Variants in TFCP2 observed in about 807,000 individuals in gnomAD.
TFCP2 encodes transcription factor CP2, also known as alpha-globin transcription factor CP2.
Under a neutral mutation model 73.4 loss-of-function variants are expected in TFCP2, and 33 were observed. The ratio of observed to expected loss-of-function variants is 0.45; its 90% CI spans 0.34 to 0.60. The LOEUF (loss-of-function observed/expected upper bound fraction) is 0.60, where lower values mean the gene tolerates loss of function less well. TFCP2 is among the 20% of genes least tolerant of loss of function. TFCP2 has a pLI of 0.01. For synonymous variants in TFCP2, 193 were observed against 211.6 expected (o/e 0.91, Z 0.76); for missense variants, 352 against 604.0 (o/e 0.58, Z 4.37).
intron 5 of TFCP2, 99 bp from the exon 6 acceptor site, chr12:51,109,372 C>T: frequency 8.3e-7 from 1 of 1,207,148 alleles, no homozygotes; most frequent in Non-Finnish European, 1.2e-6. Flanking sequence ...CTTTACCAGG[C>T]ATTATGAATA....
rs779255264 is a variant in TFCP2, at chr12:51,098,830, G to A, written c.1365C>T (p.Ile455=). 1 of 1,614,118 alleles carries A rather than the reference G, an allele frequency of 6.2e-7. No individual in the cohort carries two copies. Among genetic ancestry groups the A allele is most frequent in the Non-Finnish European group, 8.5e-7 (1 of 1,180,032 alleles). The stretch of plus-strand genomic sequence containing the variant: ...TTGGCCCCTGCTTGTAAATCTGGCT[G>A]ATCTGGCAAGGGGAAATGCTGAAAA... ...AQLFSISPCQ[I]SQIYKQGPTG... is the part of the protein sequence containing the mutation. The change falls in exon 13 of 15, where the codon ATC becomes ATT. Residue 455 remains isoleucine (I), a synonymous_variant. Coordinates refer to ENST00000257915, the MANE Select transcript of TFCP2 (RefSeq NM_005653.5).
chr12:51,160,816 A>G (rs1941631596), intron 1 of TFCP2, among the ~76,000 whole-genome samples: 1 of 152,226 alleles, frequency 6.6e-6, no homozygotes, highest in Admixed American at 6.5e-5. Context: ...TTGGAATAGC[A>G]TCTTATCATT....
chr12:51,150,832 C>T (rs1376922999), intron 1 of TFCP2, among the ~76,000 whole-genome samples: 1 of 152,194 alleles, frequency 6.6e-6, no homozygotes, highest in Non-Finnish European at 1.5e-5. Context: ...TTCAACACAT[C>T]AGCGCAAACT....
At chr12:51,152,490 T>C (rs1194469365) in intron 1 of TFCP2, among the ~76,000 whole-genome samples, 3 of 152,230 alleles carry the variant, frequency 2.0e-5, no homozygotes, top group African/African-American at 7.2e-5. Context: ...ATTATAGCAT[T>C]GTGTCAGCGT....
chr12:51,098,624 A>C (rs1055697442), intron 13 of TFCP2, 152 bp downstream of exon 13: 25 of 225,134 alleles, frequency 1.1e-4, no homozygotes, highest in Non-Finnish European at 1.9e-4. Flanking sequence ...AGACTGTTTC[A>C]AAAAAAAAAA....
chr12:51,169,993 G>C (rs1300927845), intron 1 of TFCP2, among the ~76,000 whole-genome samples: 1 of 152,308 alleles, frequency 6.6e-6, no homozygotes, highest in African/African-American at 2.4e-5. Context: ...TTTTTATAAT[G>C]AGTACAGTTA....
At chr12:51,113,851 T>G (rs60910794) in intron 4 of TFCP2, among the ~76,000 whole-genome samples, 22,214 of 152,130 alleles carry the variant, frequency 0.15, 2,051 homozygotes, top group East Asian at 0.49. Flanking sequence ...GGTATCCACA[T>G]GCAAAAGAAT....
In TFCP2 at chr12:51,121,939, C is replaced by T. The variant is rs531610861; in HGVS notation, c.123-3167G>A. ...TATCTCACCTGTATACACATTTTCC[C>T]CAATACATCAGATTACAGGGTCACT... On this transcript the variant is annotated intron_variant, in intron 1 of 14. Transcript: ENST00000257915. Among the ~76,000 whole-genome samples, 8 of 152,250 alleles carry T rather than the reference C, an allele frequency of 5.3e-5. No individual in the cohort carries two copies. The East Asian group carries it at 1.5e-3, about 29-fold the overall frequency.
At chr12:51,145,894 G>C (rs1198154159) in intron 1 of TFCP2, among the ~76,000 whole-genome samples, 1 of 151,822 alleles carries the variant, frequency 6.6e-6, no homozygotes, top group Non-Finnish European at 1.5e-5. Flanking sequence ...CGAGGCTGCA[G>C]TGAGCTGTGA....
chr12:51,130,913 G>T (rs868312021), intron 1 of TFCP2, among the ~76,000 whole-genome samples: 1 of 151,890 alleles, frequency 6.6e-6, no homozygotes, highest in Non-Finnish European at 1.5e-5. Flanking sequence ...TTTGAACCCC[G>T]GGAGGCAGGG....
intron 1 of TFCP2, among the ~76,000 whole-genome samples, chr12:51,143,411 G>A (rs971153820): frequency 2.0e-5 from 3 of 148,776 alleles, no homozygotes; most frequent in Non-Finnish European, 3.0e-5. Flanking sequence ...TTATCCTCAT[G>A]TCCCTTAGCA....
intron 1 of TFCP2, chr12:51,125,066 C>A: frequency 1.3e-6 from 1 of 753,400 alleles, no homozygotes. Context: ...TCAGCACAGG[C>A]TCATCATAGT....
At chr12:51,129,630 C>G (rs527815454) in intron 1 of TFCP2, among the ~76,000 whole-genome samples, 117 of 151,782 alleles carry the variant, frequency 7.7e-4, no homozygotes, top group South Asian at 5.4e-3. Flanking sequence ...GCAAAGAAGT[C>G]TTTTTAGTTC....
intron 1 of TFCP2, among the ~76,000 whole-genome samples, chr12:51,157,503 C>A (rs1310909933): frequency 1.3e-5 from 2 of 151,800 alleles, no homozygotes; most frequent in African/African-American, 4.8e-5. Context: ...GTATGTTGTC[C>A]AGGCTGGTTT....
intron 5 of TFCP2, 150 bp downstream of exon 5, chr12:51,110,727 G>T: frequency 1.9e-6 from 1 of 528,320 alleles, no homozygotes; most frequent in South Asian, 3.4e-5. Context: ...ACTCCTCAAT[G>T]CTCTCAGGCA....
intron 1 of TFCP2, among the ~76,000 whole-genome samples, chr12:51,122,157 C>G (rs1420105520): frequency 6.6e-6 from 1 of 150,512 alleles, no homozygotes; most frequent in Admixed American, 6.6e-5. Context: ...GAAAATTTTT[C>G]TTTCTGTTGA....
chr12:51,154,100 T>C (rs1592834114), intron 1 of TFCP2, among the ~76,000 whole-genome samples: 1 of 152,316 alleles, frequency 6.6e-6, no homozygotes, highest in African/African-American at 2.4e-5. Context: ...TGTATGTACT[T>C]ACAACATTTT....
intron 1 of TFCP2, among the ~76,000 whole-genome samples, chr12:51,167,685 T>G (rs964901120): frequency 3.3e-5 from 5 of 152,148 alleles, no homozygotes; most frequent in Admixed American, 3.3e-4. Context: ...TGCACCACCA[T>G]GCCTGGCCTG....
intron 8 of TFCP2, among the ~76,000 whole-genome samples, chr12:51,105,197 G>A (rs1031037023): frequency 2.7e-5 from 4 of 150,108 alleles, no homozygotes; most frequent in African/African-American, 4.9e-5. Flanking sequence ...GGTTTCAAGC[G>A]ATTCTCCTGC....
Sources: gnomAD v4.1 joint callset for allele counts (sites outside exome capture counted in the v4.1 genomes callset) on GRCh38, gnomAD v4.1.1 for gene constraint, MANE v1.5 for transcripts, NCBI Gene and HGNC (gene_info 2026-07-23, HGNC 2026-07-21) for gene names.